CERS6: variants seen among roughly 807,000 people sequenced by gnomAD.
CERS6 encodes LAG1 homolog, ceramide synthase 6.
CERS6 carries 26 observed loss-of-function variants against 56.8 expected under a neutral mutation model. The observed-to-expected ratio is 0.46, with a 90% CI of 0.34 to 0.63. The LOEUF is 0.63. Among genes scored for constraint, CERS6 ranks in the 30% least tolerant of loss-of-function variants. CERS6 has a pLI of 0.01. For missense variants in CERS6, 415 were observed against 467.5 expected (o/e 0.89, Z 1.04); for synonymous variants, 164 against 173.3 (o/e 0.95, Z 0.42).
intron 1 of CERS6, among the ~76,000 whole-genome samples, chr2:168,470,813 G>A (rs1693962863): frequency 2.0e-5 from 3 of 152,144 alleles, no homozygotes; most frequent in African/African-American, 7.2e-5. Context: ...ATAGTTTTGA[G>A]TTTTACAATG....
chr2:168,571,454 A>G (rs981412520), intron 3 of CERS6, among the ~76,000 whole-genome samples: 12 of 152,084 alleles, frequency 7.9e-5, no homozygotes, highest in Admixed American at 2.6e-4. Context: ...TGTGCATAAG[A>G]TGGTGGTAGT....
intron 8 of CERS6, among the ~76,000 whole-genome samples, chr2:168,742,745 G>T (rs1052288150): frequency 6.6e-6 from 1 of 152,194 alleles, no homozygotes; most frequent in Non-Finnish European, 1.5e-5. Flanking sequence ...GGACAGGAGG[G>T]GAGAATGTAA....
At position 168,672,051 on chromosome 2, in the gene CERS6, A is replaced by G. The variant is rs189996257; in HGVS notation, c.466-18983A>G. Among the ~76,000 whole-genome samples the G allele has an allele frequency of 9.2e-5, 14 of 152,334 alleles. No individual in the cohort carries two copies. The East Asian group carries it at 2.7e-3, about 29-fold the overall frequency. On this transcript the variant is annotated intron_variant, in intron 4 of 9. Coordinates refer to ENST00000305747, the MANE Select transcript of CERS6 (RefSeq NM_203463.3). ...AGTTGATGGAACAGTGTGTCATCTCAGCTCAATTACTAAAGTTGTTTCAGT... is the reference window on the plus strand; with the variant it reads ...AGTTGATGGAACAGTGTGTCATCTCGGCTCAATTACTAAAGTTGTTTCAGT...
rs577846622 is a variant in CERS6, at chr2:168,653,271, G to A, written c.465+22229G>A. 1.4e-4 allele frequency among the ~76,000 whole-genome samples: 21 copies of A among 152,298 alleles called. No homozygotes were observed. In the South Asian group the frequency reaches 4.1e-3, roughly 30 times the overall value. On this transcript the variant is annotated intron_variant, in intron 4 of 9. Transcript: ENST00000305747. ...AAGGGAAGAGATTTAAACTCAGGCT[G>A]CACCCCAGTGGGCTCTCCACAGCTA...
intron 1 of CERS6, among the ~76,000 whole-genome samples, chr2:168,495,726 A>G (rs986010770): frequency 1.3e-5 from 2 of 152,182 alleles, no homozygotes; most frequent in Non-Finnish European, 2.9e-5. Flanking sequence ...TCATGTGTGC[A>G]TGCTCCTTTC....
rs111782078 is a variant in CERS6, at chr2:168,549,361, G to A, written c.276+1660G>A. On this transcript the variant is annotated intron_variant, in intron 2 of 9. Transcript: ENST00000305747. ...TCTAAAGAATACTTGCTTTGGCTGG[G>A]CGTGGTGGCTCACGCCTGTAATGCC... is the stretch of plus-strand genomic sequence containing the variant. Among the ~76,000 whole-genome samples the A allele has an allele frequency of 9.2e-3, 1,397 of 152,268 alleles. 13 individuals are homozygous for A. The highest frequency in any genetic ancestry group is 0.018 in the South Asian group (89 of 4,826).
At chr2:168,609,089 G>T (rs758916100) in intron 3 of CERS6, among the ~76,000 whole-genome samples, 7 of 152,134 alleles carry the variant, frequency 4.6e-5, no homozygotes, top group Non-Finnish European at 1.0e-4. Flanking sequence ...TCCATTTAGG[G>T]TGCATCTGTC....
Position 168,599,570 on chromosome 2 carries a change from G to A in CERS6, c.408-31415G>A, listed in dbSNP as rs536073783. Among the ~76,000 whole-genome samples the A allele has an allele frequency of 5.3e-5, 8 of 152,284 alleles. No homozygotes were observed. The East Asian group carries it at 1.5e-3, about 29-fold the overall frequency. ...CCTGAAAGACTTCTGAATTTAAGTA[G>A]GTTAGTAACCCCGATTAGAAAACAT... On this transcript the variant is annotated intron_variant, in intron 3 of 9. Transcript: ENST00000305747.
intron 1 of CERS6, among the ~76,000 whole-genome samples, chr2:168,474,214 C>T (rs910394997): frequency 1.3e-5 from 2 of 152,146 alleles, no homozygotes; most frequent in Non-Finnish European, 1.5e-5. Flanking sequence ...CACAGCATCC[C>T]GTTATGTGGG....
intron 3 of CERS6, among the ~76,000 whole-genome samples, chr2:168,620,014 T>TAC (rs1160024194): frequency 0.019 from 1,148 of 61,136 alleles, 22 homozygotes; most frequent in African/African-American, 0.045. Flanking sequence ...CCACAATCCA[T>TAC]ACACACACAC....
chr2:168,549,951 G>A (rs1318232080), intron 2 of CERS6, among the ~76,000 whole-genome samples: 2 of 152,068 alleles, frequency 1.3e-5, no homozygotes, highest in East Asian at 3.9e-4. Flanking sequence ...CACGGTTTGA[G>A]CTGCCTTTTT....
chr2:168,548,993 G>A (rs914420565), intron 2 of CERS6, among the ~76,000 whole-genome samples: 17 of 152,186 alleles, frequency 1.1e-4, no homozygotes, highest in Middle Eastern at 3.4e-3. Flanking sequence ...GAAAAAGCTT[G>A]CATTTTCATT....
At chr2:168,669,679 C>T (rs1394621905) in intron 4 of CERS6, among the ~76,000 whole-genome samples, 1 of 152,186 alleles carries the variant, frequency 6.6e-6, no homozygotes, top group Non-Finnish European at 1.5e-5. Context: ...TCTCATATGA[C>T]ACCTTAGTTG....
chr2:168,734,253 G>GA (rs914555145), intron 8 of CERS6, among the ~76,000 whole-genome samples: 11 of 150,292 alleles, frequency 7.3e-5, no homozygotes, highest in East Asian at 1.9e-4. Flanking sequence ...TGTATAGAAG[G>GA]AAAAAAAAAT....
chr2:168,667,907 T>C (rs561371961), intron 4 of CERS6, among the ~76,000 whole-genome samples: 1 of 152,288 alleles, frequency 6.6e-6, no homozygotes, highest in South Asian at 2.1e-4. Context: ...GTGAAGCTTG[T>C]TTGGGGGAAC....
intron 5 of CERS6, among the ~76,000 whole-genome samples, chr2:168,694,730 C>T (rs1421853484): frequency 2.0e-5 from 3 of 152,076 alleles, no homozygotes; most frequent in Non-Finnish European, 4.4e-5. Flanking sequence ...CCCAAATGTT[C>T]GTGCTAATTA....
intron 6 of CERS6, among the ~76,000 whole-genome samples, chr2:168,708,473 T>C (rs2105380843): frequency 6.6e-6 from 1 of 152,248 alleles, no homozygotes; most frequent in Admixed American, 6.5e-5. Flanking sequence ...TTGTTTGTTT[T>C]TTAATGAGGG....
intron 1 of CERS6, among the ~76,000 whole-genome samples, chr2:168,536,596 T>C (rs1203371255): frequency 6.6e-6 from 1 of 151,988 alleles, no homozygotes; most frequent in African/African-American, 2.4e-5. Flanking sequence ...AGAACAACAG[T>C]GTAAGTCTTT....
intron 1 of CERS6, among the ~76,000 whole-genome samples, chr2:168,537,702 T>C (rs1056306368): frequency 6.6e-6 from 1 of 152,262 alleles, no homozygotes; most frequent in Admixed American, 6.5e-5. Flanking sequence ...TATTTATTTA[T>C]ACTCACTTCC....
Sources: gnomAD v4.1 joint callset for allele counts (sites outside exome capture counted in the v4.1 genomes callset) on GRCh38, gnomAD v4.1.1 for gene constraint, MANE v1.5 for transcripts, NCBI Gene and HGNC (gene_info 2026-07-23, HGNC 2026-07-21) for gene names.